The following ATP1B1 variants were observed in gnomAD, a reference collection of about 807,000 sequenced individuals.
ATP1B1 encodes ATPase Na+/K+ transporting subunit beta 1, also known as sodium/potassium-transporting ATPase subunit beta-1.
In ATP1B1, 3 loss-of-function variants were observed where a neutral mutation model predicts 39.6. That is an observed-to-expected ratio of 0.08 (90% confidence interval 0.03 to 0.20). The LOEUF is 0.20. ATP1B1 is among the 10% of genes least tolerant of loss of function. ATP1B1 has a pLI of 1.00. For synonymous variants in ATP1B1, 139 were observed against 135.0 expected (o/e 1.03, Z -0.20); for missense variants, 216 against 371.1 (o/e 0.58, Z 3.43).
chr1:169,125,772 G>A (rs750804835), intron 3 of ATP1B1, among the ~76,000 whole-genome samples: 4 of 152,008 alleles, frequency 2.6e-5, no homozygotes, highest in Non-Finnish European at 5.9e-5. Flanking sequence ...CTAGGAGTTC[G>A]AGACCAACCT....
intron 2 of ATP1B1, among the ~76,000 whole-genome samples, chr1:169,117,809 G>A (rs1001081082): frequency 1.6e-4 from 25 of 152,222 alleles, no homozygotes; most frequent in Non-Finnish European, 7.3e-5. Flanking sequence ...AGAAGCTGGG[G>A]AGATGAAGGG....
rs114696673 is a variant in ATP1B1 at position 169,120,813 on chromosome 1, G to A, written c.227-4071G>A. Among the ~76,000 whole-genome samples, 250 of 152,248 alleles carry A rather than the reference G, an allele frequency of 1.6e-3. 2 individuals are homozygous for A. The highest frequency in any genetic ancestry group is 5.6e-3 in the African/African-American group (231 of 41,542). On this transcript the variant is annotated intron_variant, in intron 2 of 5. Transcript: ENST00000367815. ...GTTTTCATTATTTCTTATTTGCCCC[G>A]TCTAGAGAGACATGAGGCCAATTGT...
intron 1 of ATP1B1, among the ~76,000 whole-genome samples, chr1:169,108,957 C>T (rs1053648251): frequency 7.2e-5 from 11 of 152,236 alleles, no homozygotes; most frequent in African/African-American, 2.7e-4. Context: ...CCGTCTCCTA[C>T]GGAGAAAATG....
In ATP1B1 at chr1:169,131,559, C is replaced by G; in HGVS notation, c.*4C>G. 6.2e-7 allele frequency: 1 copy of G among 1,607,126 alleles called. No homozygotes were observed. Among genetic ancestry groups the G allele is most frequent in the Non-Finnish European group, 8.5e-7 (1 of 1,176,272 alleles). ...AAAAATTGAAGTTAAGAGCTGATCA[C>G]AAGCACAAATCTTTCCCACTAGCCA... On this transcript the variant is annotated 3_prime_UTR_variant, in exon 6 of 6. Transcript: ENST00000367815. The surrounding 1 kb of genome is among the most constrained non-coding windows in gnomAD (Gnocchi z 4.4).
At position 169,131,997 on chromosome 1, in the gene ATP1B1, C is replaced by T. The variant is rs905157918; in HGVS notation, c.*442C>T. 8 of 316,522 alleles carry T rather than the reference C, an allele frequency of 2.5e-5. No homozygotes were observed. The highest frequency in any genetic ancestry group is 1.1e-4 in the East Asian group (1 of 9,166). The allele number at this position is 316,522 out of a possible 1,614,324, so 19.6% of individuals were successfully genotyped here. On this transcript the variant is annotated 3_prime_UTR_variant, in exon 6 of 6. Transcript: ENST00000367815. The surrounding 1 kb of genome is among the most constrained non-coding windows in gnomAD (Gnocchi z 4.4). ...TGCTGTCCAAGGTGTAAATATTCAACGGGAATAAAACTGGCATGGTAATTT... is the reference window on the plus strand; with the variant it reads ...TGCTGTCCAAGGTGTAAATATTCAATGGGAATAAAACTGGCATGGTAATTT...
intron 2 of ATP1B1, among the ~76,000 whole-genome samples, chr1:169,118,649 A>T (rs1657906256): frequency 6.6e-6 from 1 of 152,216 alleles, no homozygotes; most frequent in Non-Finnish European, 1.5e-5. Flanking sequence ...ATATGTGCGT[A>T]TGCATACATA....
chr1:169,124,639 A>G (rs746161362), intron 2 of ATP1B1, among the ~76,000 whole-genome samples: 35 of 152,190 alleles, frequency 2.3e-4, no homozygotes, highest in Non-Finnish European at 4.1e-4. Context: ...CATTCATAAA[A>G]TGGAGGTGAT....
rs117109430 is a variant in ATP1B1 at position 169,110,403 on chromosome 1, T to G, written c.98-967T>G. Among the ~76,000 whole-genome samples, 129 of 152,270 alleles carry G rather than the reference T, an allele frequency of 8.5e-4. 1 individual carries two copies. In the East Asian group the frequency reaches 0.022, roughly 26 times the overall value. The stretch of plus-strand genomic sequence containing the variant: ...AGTCGTGCTTCTGACTCGATAACCT[T>G]ACAGTTCACTTGTTCCCTGTTTTGC... On this transcript the variant is annotated intron_variant, in intron 1 of 5. Coordinates refer to ENST00000367815, the MANE Select transcript of ATP1B1 (RefSeq NM_001677.4).
chr1:169,124,394 A>C (rs535711495), intron 2 of ATP1B1, among the ~76,000 whole-genome samples: 2 of 152,356 alleles, frequency 1.3e-5, no homozygotes, highest in African/African-American at 4.8e-5. Flanking sequence ...ACATTTACTG[A>C]CAATAAGGAT....
intron 2 of ATP1B1, 119 bp downstream of exon 2, chr1:169,111,617 A>G: frequency 7.3e-7 from 1 of 1,377,988 alleles, no homozygotes; most frequent in Non-Finnish European, 9.7e-7. Flanking sequence ...AACCATGAAA[A>G]GGGAAAAGAG....
intron 2 of ATP1B1, among the ~76,000 whole-genome samples, chr1:169,116,299 A>T (rs1657846121): frequency 6.6e-6 from 1 of 152,222 alleles, no homozygotes. Flanking sequence ...GGAGATTCCC[A>T]GCTGGCTTGC....
chr1:169,112,856 A>C (rs940901829), intron 2 of ATP1B1, among the ~76,000 whole-genome samples: 1 of 152,216 alleles, frequency 6.6e-6, no homozygotes, highest in African/African-American at 2.4e-5. Context: ...GGGTCTGTGG[A>C]AAGGTTGAAG....
intron 3 of ATP1B1, 24 bp from the exon 4 acceptor site, chr1:169,127,199 AT>A: frequency 6.4e-7 from 1 of 1,558,106 alleles, no homozygotes; most frequent in Non-Finnish European, 8.6e-7. Context: ...CTGGTACAAT[AT>A]AAAAGTTGTG....
In ATP1B1 at chr1:169,125,014, T is replaced by C. The variant is rs746155696; in HGVS notation, c.357T>C (p.Asp119=). Residue 119 remains aspartate, a synonymous_variant, in exon 3 of 6, where the codon GAT becomes GAC. Coordinates refer to ENST00000367815, the MANE Select transcript of ATP1B1 (RefSeq NM_001677.4). ...AGTACAAAGATTCAGCCCAGAGGGATGACATGATTTTTGAAGATTGTGGCG... is the reference window on the plus strand; with the variant it reads ...AGTACAAAGATTCAGCCCAGAGGGACGACATGATTTTTGAAGATTGTGGCG... The part of the protein sequence containing the change: ...LEKYKDSAQR[D]DMIFEDCGDV... 2 of 1,612,664 alleles carry C rather than the reference T, an allele frequency of 1.2e-6. No homozygotes were observed. The highest frequency in any genetic ancestry group is 2.2e-5 in the South Asian group (2 of 90,682).
At chr1:169,110,254 C>G (rs1299282121) in intron 1 of ATP1B1, among the ~76,000 whole-genome samples, 2 of 152,086 alleles carry the variant, frequency 1.3e-5, no homozygotes, top group Non-Finnish European at 2.9e-5. Flanking sequence ...CTCCCTGGCC[C>G]CCTCCTACCA....
chr1:169,111,578 A>C (rs1657732349), intron 2 of ATP1B1, 80 bp downstream of exon 2: 3 of 1,547,418 alleles, frequency 1.9e-6, no homozygotes, highest in Non-Finnish European at 2.6e-6. Flanking sequence ...AATTCTTTGG[A>C]AAATTACTCT....
In ATP1B1 at chr1:169,106,837, G is replaced by C. The variant is rs1268781874; in HGVS notation, c.8G>C (p.Arg3Pro). 1 of 1,578,364 alleles carries C rather than the reference G, an allele frequency of 6.3e-7. No individual in the cohort carries two copies. Among genetic ancestry groups the C allele is most frequent in the Non-Finnish European group, 8.6e-7 (1 of 1,165,320 alleles). The change falls in exon 1 of 6, where the codon CGC (arginine) becomes CCC (proline). Residue 3 changes from arginine to proline, a missense_variant. Transcript: ENST00000367815. ...TGCTGACCCGCCATCGCCATGGCCC[G>C]CGGGAAAGCCAAGGAGGAGGGCAGC... Reference protein sequence around the residue: MARGKAKEEGSWK... With the variant: MAPGKAKEEGSWK...
intron 2 of ATP1B1, among the ~76,000 whole-genome samples, chr1:169,115,042 T>G (rs911476886): frequency 1.3e-5 from 2 of 151,646 alleles, no homozygotes; most frequent in African/African-American, 4.8e-5. Context: ...AAAATTAGCC[T>G]GTCGTAGTGG....
chr1:169,132,625 G>A lies in ATP1B1; in HGVS notation c.*1070G>A, dbSNP rs1158852585. 2.8e-5 allele frequency: 17 copies of A among 617,320 alleles called. No individual in the cohort carries two copies. Among genetic ancestry groups the A allele is most frequent in the Non-Finnish European group, 3.9e-5 (14 of 359,724 alleles). The allele number at this position is 617,320 out of a possible 1,614,324, so 38.2% of individuals were successfully genotyped here. A position where few individuals can be genotyped will look rare whatever the true frequency, so the allele number is the denominator to read the frequency against. ...ATGTTGTCTACAGTGCAAAATCCAT[G>A]TTCTAACATATGTAATAATTGCCAG... On this transcript the variant is annotated 3_prime_UTR_variant, in exon 6 of 6. Coordinates refer to ENST00000367815, the MANE Select transcript of ATP1B1 (RefSeq NM_001677.4).
Sources: allele counts gnomAD v4.1 joint callset (sites outside exome capture counted in the v4.1 genomes callset), GRCh38; gene constraint gnomAD v4.1.1; non-coding constraint Gnocchi (gnomAD v3.1); transcripts MANE v1.5; gene names NCBI Gene and HGNC (gene_info 2026-07-23, HGNC 2026-07-21).